LZTFL1: variants seen among roughly 807,000 people sequenced by gnomAD.
The protein encoded by LZTFL1 is leucine zipper transcription factor like 1.
Under a neutral mutation model 45.9 loss-of-function variants are expected in LZTFL1, and 25 were observed. The ratio of observed to expected loss-of-function variants is 0.54; its 90% CI spans 0.40 to 0.76. LZTFL1 has a LOEUF of 0.76. LZTFL1 is among the 30% of genes least tolerant of loss of function. The pLI is 0.00. For synonymous variants in LZTFL1, 93 were observed against 117.4 expected, an observed-to-expected ratio of 0.79 and a Z score of 1.35; for missense variants, 277 against 331.1, an observed-to-expected ratio of 0.84 and a Z score of 1.27.
At chr3:45,894,165 A>T (rs907418775) in intron 2 of LZTFL1, among the ~76,000 whole-genome samples, 2 of 152,208 alleles carry the variant, frequency 1.3e-5, no homozygotes, top group Non-Finnish European at 1.5e-5. Context: ...GAAATTCAAA[A>T]CACATGAAAA....
intron 2 of LZTFL1, among the ~76,000 whole-genome samples, chr3:45,885,967 G>A (rs140498471): frequency 3.9e-5 from 6 of 152,286 alleles, no homozygotes; most frequent in East Asian, 1.9e-4. Context: ...TGATCTGCCC[G>A]CCTCAGTCTC....
At chr3:45,909,321 T>A (rs1329046533) in intron 2 of LZTFL1, among the ~76,000 whole-genome samples, 1 of 152,216 alleles carries the variant, frequency 6.6e-6, no homozygotes, top group African/African-American at 2.4e-5. Flanking sequence ...TCCACAAAAC[T>A]GGTCCCTGGT....
At chr3:45,837,534 C>A (rs1374607998) in intron 2 of LZTFL1, among the ~76,000 whole-genome samples, 1 of 152,208 alleles carries the variant, frequency 6.6e-6, no homozygotes, top group Non-Finnish European at 1.5e-5. Flanking sequence ...ACTAATTATT[C>A]AGTATGAAAC....
chr3:45,895,760 CT>C (rs1257729443), intron 2 of LZTFL1, among the ~76,000 whole-genome samples: 4 of 151,468 alleles, frequency 2.6e-5, no homozygotes, highest in East Asian at 1.9e-4. Context: ...TCCAGAGAAT[CT>C]TTTTTTCTTT....
intron 9 of LZTFL1, 98 bp downstream of exon 9, chr3:45,827,258 T>C: frequency 1.1e-6 from 1 of 892,770 alleles, no homozygotes; most frequent in East Asian, 2.4e-5. Flanking sequence ...ATCCAGCAAC[T>C]ACCACCGGCT....
chr3:45,878,433 A>C (rs936730191), intron 2 of LZTFL1, among the ~76,000 whole-genome samples: 5 of 152,180 alleles, frequency 3.3e-5, no homozygotes, highest in Non-Finnish European at 7.3e-5. Context: ...AAAATGATCA[A>C]GTGTTAATAT....
chr3:45,878,149 C>T (rs1701785533), intron 2 of LZTFL1, among the ~76,000 whole-genome samples: 1 of 152,198 alleles, frequency 6.6e-6, no homozygotes, highest in Non-Finnish European at 1.5e-5. Context: ...GTATTTTCCT[C>T]ACCTCACCTA....
chr3:45,828,384 CTGT>C, intron 8 of LZTFL1, 52 bp downstream of exon 8: 1 of 1,484,118 alleles, frequency 6.7e-7, no homozygotes, highest in Non-Finnish European at 9.3e-7. Flanking sequence ...TTCCTCTATA[CTGT>C]GTGCATTAAT....
intron 2 of LZTFL1, among the ~76,000 whole-genome samples, chr3:45,869,893 C>T (rs1224325474): frequency 1.3e-5 from 2 of 152,272 alleles, no homozygotes; most frequent in Non-Finnish European, 2.9e-5. Flanking sequence ...TGCAATTTGG[C>T]TCCTCCAGTG....
chr3:45,866,207 T>C (rs1222603741), intron 2 of LZTFL1, among the ~76,000 whole-genome samples: 1 of 152,186 alleles, frequency 6.6e-6, no homozygotes, highest in Non-Finnish European at 1.5e-5. Flanking sequence ...TTCACCACCT[T>C]CATTGTGCTA....
chr3:45,890,310 T>TATATAAATATATATATAAC lies in LZTFL1; in HGVS notation c.-215+22809_-215+22810insGTTATATATATATTTATAT, dbSNP rs1559421513. Among the ~76,000 whole-genome samples the TATATAAATATATATATAAC allele has an allele frequency of 3.7e-4, 23 of 62,994 alleles. 2 individuals are homozygous for TATATAAATATATATATAAC. Among genetic ancestry groups the TATATAAATATATATATAAC allele is most frequent in the African/African-American group, 9.1e-4 (11 of 12,026 alleles). The allele number at this position is 62,994 out of a possible 152,430, so 41.3% of individuals were successfully genotyped here. ...TATATAAATATATATATAACATATA[T>TATATAAATATATATATAAC]ATATATTTATATAAATATATATATA... is the stretch of plus-strand genomic sequence containing the variant. On this transcript the variant is annotated intron_variant, in intron 2 of 4. Coordinates refer to the LZTFL1 transcript ENST00000472635.
chr3:45,901,387 T>C lies in LZTFL1; in HGVS notation c.-215+11733A>G. ...GAATCCGGCATTGCTATCTGCACCATGGTTTACCCTAGCGATGAGAGCACC... is the reference window on the plus strand; with the variant it reads ...GAATCCGGCATTGCTATCTGCACCACGGTTTACCCTAGCGATGAGAGCACC... On this transcript the variant is annotated intron_variant, in intron 2 of 4. Transcript: ENST00000472635. The surrounding 1 kb of genome is among the most constrained non-coding windows in gnomAD (Gnocchi z 4.3). The C allele has an allele frequency of 2.5e-6, 4 of 1,614,204 alleles. No homozygotes were observed. The highest frequency in any genetic ancestry group is 3.4e-6 in the Non-Finnish European group (4 of 1,180,032).
At chr3:45,882,844 T>A (rs534646675) in intron 2 of LZTFL1, among the ~76,000 whole-genome samples, 1 of 149,692 alleles carries the variant, frequency 6.7e-6, no homozygotes, top group East Asian at 1.9e-4. Flanking sequence ...TAACATTTTT[T>A]TAAAAATTTC....
At chr3:45,848,522 G>C (rs1310157641) in intron 4 of LZTFL1, among the ~76,000 whole-genome samples, 3 of 152,226 alleles carry the variant, frequency 2.0e-5, no homozygotes, top group Non-Finnish European at 4.4e-5. Context: ...TAATTTACTG[G>C]AGAGATGAAC....
chr3:45,872,664 T>C (rs1346665480), intron 2 of LZTFL1, among the ~76,000 whole-genome samples: 2 of 152,190 alleles, frequency 1.3e-5, no homozygotes, highest in Non-Finnish European at 2.9e-5. Flanking sequence ...GCTGCTGGTC[T>C]GGGGCACACA....
chr3:45,827,265 G>A (rs1026104614), intron 9 of LZTFL1, 91 bp downstream of exon 9: 21 of 972,078 alleles, frequency 2.2e-5, no homozygotes, highest in African/African-American at 6.5e-5. Context: ...AACTACCACC[G>A]GCTTGACCTC....
Position 45,900,928 on chromosome 3 carries a change from C to T in LZTFL1, c.-215+12192G>A, listed in dbSNP as rs752948199. 1.2e-5 allele frequency: 19 copies of T among 1,614,048 alleles called. No homozygotes were observed. Among genetic ancestry groups the T allele is most frequent in the Middle Eastern group, 1.6e-4 (1 of 6,084 alleles). On this transcript the variant is annotated intron_variant, in intron 2 of 4. Transcript: ENST00000472635. The surrounding 1 kb of genome is among the most constrained non-coding windows in gnomAD (Gnocchi z 4.7). ...GAGAAAAACAATGTCAGGCAGTTTG[C>T]GAGCCATTTCCTCCCACCCTTGTAC...
chr3:45,849,682 GGT>G (rs1352514267), intron 4 of LZTFL1, among the ~76,000 whole-genome samples: 1 of 152,102 alleles, frequency 6.6e-6, no homozygotes, highest in African/African-American at 2.4e-5. Flanking sequence ...GCAGAAACGT[GGT>G]AAGAATGTCT....
rs1327823293 is a variant in LZTFL1 at position 45,900,235 on chromosome 3, G to T, written c.-215+12885C>A. Among the ~76,000 whole-genome samples the T allele has an allele frequency of 6.6e-6, 1 of 152,132 alleles. No homozygotes were observed. The highest frequency in any genetic ancestry group is 6.5e-5 in the Admixed American group (1 of 15,274). ...AGAGCAGGTCATGGTGCTTGTGTGT[G>T]TATGTAGGGTTGAGAGTGTCTGTGT... On this transcript the variant is annotated intron_variant, in intron 2 of 4. Coordinates refer to the LZTFL1 transcript ENST00000472635. This position sits in a 1 kb window ranked among gnomAD's most constrained non-coding sequence, Gnocchi z 4.7.
Sources: gnomAD v4.1 joint callset for allele counts (sites outside exome capture counted in the v4.1 genomes callset) on GRCh38, gnomAD v4.1.1 for gene constraint, Gnocchi (gnomAD v3.1) non-coding constraint, MANE v1.5 for transcripts, NCBI Gene and HGNC (gene_info 2026-07-23, HGNC 2026-07-21) for gene names.